Variants in PTPN13 observed in about 807,000 individuals in gnomAD.
PTPN13 encodes the protein protein tyrosine phosphatase non-receptor type 13, also known as tyrosine-protein phosphatase non-receptor type 13.
A neutral mutation model predicts 284.0 loss-of-function variants in PTPN13; 191 were observed. That is an observed-to-expected ratio of 0.67 (90% CI 0.60 to 0.76). The LOEUF is 0.76. Among genes scored for constraint, PTPN13 ranks in the 30% least tolerant of loss-of-function variants. PTPN13 has a pLI of 0.00. For missense variants in PTPN13, 2,797 were observed against 2,939.9 expected, an observed-to-expected ratio of 0.95 and a Z score of 1.12; for synonymous variants, 986 against 1,022.3, an observed-to-expected ratio of 0.96 and a Z score of 0.68.
In PTPN13 at chr4:86,770,000, T is replaced by G. The variant is rs539237984; in HGVS notation, c.4704+17T>G. 2.0e-5 allele frequency: 32 copies of G among 1,613,356 alleles called. No homozygotes were observed. In the East Asian group the frequency reaches 6.2e-4, roughly 31 times the overall value. On this transcript the variant is annotated intron_variant, in intron 29 of 47. Transcript: ENST00000411767. The stretch of plus-strand genomic sequence containing the variant: ...TCTCAGCAGGTGAGCCCCTAGCATG[T>G]GGAGTATAGCATTTTTAATGATGAG...
At chr4:86,677,681 A>C (rs973515827) in intron 3 of PTPN13, among the ~76,000 whole-genome samples, 4 of 150,988 alleles carry the variant, frequency 2.6e-5, no homozygotes, top group African/African-American at 9.7e-5. Context: ...CAAGTCCTAG[A>C]GTTTTAATAG....
intron 1 of PTPN13, among the ~76,000 whole-genome samples, chr4:86,617,801 A>G (rs1460323084): frequency 1.3e-5 from 2 of 151,872 alleles, no homozygotes; most frequent in African/African-American, 2.4e-5. Flanking sequence ...ATTTGTTTGA[A>G]TTCTTTGTAG....
Position 86,732,718 on chromosome 4 carries a change from C to T in PTPN13, c.1810C>T (p.His604Tyr). 3 of 1,613,482 alleles carry T rather than the reference C, an allele frequency of 1.9e-6. No homozygotes were observed. Among genetic ancestry groups the T allele is most frequent in the Non-Finnish European group, 2.5e-6 (3 of 1,179,620 alleles). The change falls in exon 12 of 48, where the codon CAT becomes TAT. Residue 604 changes from histidine (H) to tyrosine (Y), a missense_variant. His to Tyr is a moderately conservative substitution (Grantham distance 83, BLOSUM62 2). Coordinates refer to ENST00000411767, the MANE Select transcript of PTPN13 (RefSeq NM_080683.3). ...AGATGTGTTTGATATGGTTGTGGCACATATTGGCTTAGTAGAGCATCATTT... is the reference window on the plus strand; with the variant it reads ...AGATGTGTTTGATATGGTTGTGGCATATATTGGCTTAGTAGAGCATCATTT... ...CKDVFDMVVA[H>Y]IGLVEHHLFA... is the part of the protein sequence containing the mutation.
intron 46 of PTPN13, 94 bp downstream of exon 46, chr4:86,810,078 CT>C: frequency 9.9e-7 from 1 of 1,012,998 alleles, no homozygotes; most frequent in Non-Finnish European, 1.4e-6. Flanking sequence ...GATATTTTAA[CT>C]TATGAGTTTA....
In PTPN13 at chr4:86,764,699, A is replaced by G. The variant is rs750127855; in HGVS notation, c.4124A>G (p.Asp1375Gly). 1.9e-6 allele frequency: 3 copies of G among 1,606,014 alleles called. No individual in the cohort carries two copies. Among genetic ancestry groups the G allele is most frequent in the South Asian group, 2.3e-5 (2 of 88,670 alleles). ...TTTGAGGTTGAACTGGCTAAAAATGATAACAGCTTGGGGATAAGTGTCACG... is the reference window on the plus strand; with the variant it reads ...TTTGAGGTTGAACTGGCTAAAAATGGTAACAGCTTGGGGATAAGTGTCACG... ...DIFEVELAKN[D>G]NSLGISVTGG... Residue 1375 changes from aspartate (D) to glycine (G), a missense_variant, in exon 25 of 48, where the codon GAT becomes GGT. Asp to Gly is a moderately conservative substitution (Grantham distance 94). Transcript: ENST00000411767.
chr4:86,773,195 A>G (rs1740199849), intron 32 of PTPN13, among the ~76,000 whole-genome samples: 1 of 152,198 alleles, frequency 6.6e-6, no homozygotes, highest in Non-Finnish European at 1.5e-5. Context: ...ACTCCTATGG[A>G]CCAATCACTT....
chr4:86,733,458 A>C (rs1246736726), intron 12 of PTPN13, among the ~76,000 whole-genome samples: 1 of 152,140 alleles, frequency 6.6e-6, no homozygotes, highest in Non-Finnish European at 1.5e-5. Flanking sequence ...ACTATAAATG[A>C]CAATTGACAG....
intron 2 of PTPN13, among the ~76,000 whole-genome samples, chr4:86,645,403 A>G (rs1181727215): frequency 6.6e-6 from 1 of 152,192 alleles, no homozygotes; most frequent in East Asian, 1.9e-4. Flanking sequence ...AAGACAAATA[A>G]AAGGCATCCA....
At chr4:86,661,139 C>A in intron 2 of PTPN13, 1 of 449,420 alleles carries the variant, frequency 2.2e-6, no homozygotes, top group Non-Finnish European at 4.5e-6. Context: ...CTCATGTTCC[C>A]TCCTAGTCAA....
At position 86,672,522 on chromosome 4, in the gene PTPN13, T is replaced by C; in HGVS notation, c.273T>C (p.Thr91=). 1 of 1,605,834 alleles carries C rather than the reference T, an allele frequency of 6.2e-7. No individual in the cohort carries two copies. The highest frequency in any genetic ancestry group is 8.5e-7 in the Non-Finnish European group (1 of 1,175,840). ...APEVLQNQSL[T]SLSDVEKIHI... is the part of the protein sequence containing the mutation. ...AGGTTCTTCAAAATCAGTCACTAAC[T>C]TCTCTCTCAGATGTTGAAAAGGTAA... Residue 91 remains threonine, a synonymous_variant, in exon 3 of 48, where the codon ACT becomes ACC. Transcript: ENST00000411767.
At chr4:86,735,804 T>C in intron 15 of PTPN13, 58 bp downstream of exon 15, 2 of 1,493,354 alleles carry the variant, frequency 1.3e-6, no homozygotes, top group South Asian at 1.3e-5. Flanking sequence ...AAGCAAGAAG[T>C]GTTAGAGGAC....
At chr4:86,635,407 T>G in intron 2 of PTPN13, 36 bp downstream of exon 2, 1 of 1,558,246 alleles carries the variant, frequency 6.4e-7, no homozygotes, top group Non-Finnish European at 8.7e-7. Flanking sequence ...GTTGTTGTTG[T>G]TTCAGTATTG....
chr4:86,756,293 T>G (rs1407606599), intron 20 of PTPN13, among the ~76,000 whole-genome samples: 1 of 151,944 alleles, frequency 6.6e-6, no homozygotes, highest in Admixed American at 6.6e-5. Flanking sequence ...ATTTTATGGG[T>G]TTTGTTCTGT....
rs148328861 is a variant in PTPN13 at position 86,698,211 on chromosome 4, TTAAA to T, written c.635-3026_635-3023del. ...TTTACTGTTGGATTTGATATGGGGA[TTAAA>T]TAAGGTAAAAGATTTAAGGATGGTG... On this transcript the variant is annotated intron_variant, in intron 6 of 47. Transcript: ENST00000411767. 5.3e-3 allele frequency among the ~76,000 whole-genome samples: 804 copies of T among 151,894 alleles called. 10 individuals carry two copies. The highest frequency in any genetic ancestry group is 0.018 in the African/African-American group (749 of 41,224).
chr4:86,683,674 G>GAT (rs1312808436), intron 3 of PTPN13, among the ~76,000 whole-genome samples: 3 of 152,106 alleles, frequency 2.0e-5, no homozygotes, highest in Non-Finnish European at 4.4e-5. Context: ...ACTATTATAT[G>GAT]ATATATATAG....
intron 6 of PTPN13, among the ~76,000 whole-genome samples, chr4:86,695,660 T>C (rs1306683495): frequency 6.6e-6 from 1 of 151,972 alleles, no homozygotes; most frequent in Admixed American, 6.6e-5. Context: ...CTTTCTTTGC[T>C]CTCTCCACCT....
chr4:86,798,371 T>C (rs548263704), intron 41 of PTPN13, among the ~76,000 whole-genome samples: 1 of 152,314 alleles, frequency 6.6e-6, no homozygotes, highest in Admixed American at 6.5e-5. Flanking sequence ...GCAGCGTAAT[T>C]GCTGCCCTGT....
chr4:86,653,127 T>C (rs1725296279), intron 2 of PTPN13, among the ~76,000 whole-genome samples: 1 of 152,144 alleles, frequency 6.6e-6, no homozygotes. Context: ...ATTTCTCTGA[T>C]AGAATTCTGA....
chr4:86,596,799 T>C (rs368675624), intron 1 of PTPN13, among the ~76,000 whole-genome samples: 10 of 152,030 alleles, frequency 6.6e-5, no homozygotes, highest in African/African-American at 2.4e-4. Flanking sequence ...CTATTACTTC[T>C]TTTTTTTCCT....
Sources: gnomAD v4.1 joint callset for allele counts (sites outside exome capture counted in the v4.1 genomes callset) on GRCh38, gnomAD v4.1.1 for gene constraint, MANE v1.5 for transcripts, NCBI Gene and HGNC (gene_info 2026-07-23, HGNC 2026-07-21) for gene names.